Variants in DMD observed in about 807,000 individuals in gnomAD.
DMD encodes mutant dystrophin.
In DMD, 63 loss-of-function variants were observed where a neutral mutation model predicts 330.1. The ratio of observed to expected loss-of-function variants is 0.19; its 90% CI spans 0.16 to 0.24. The LOEUF is 0.24. Among genes scored for constraint, DMD ranks in the 10% least tolerant of loss-of-function variants. DMD has a pLI of 1.00. For missense variants in DMD, 3,344 were observed against 2,684.1 expected, an observed-to-expected ratio of 1.25 and a Z score of -5.43; for synonymous variants, 1,223 against 959.8, an observed-to-expected ratio of 1.27 and a Z score of -5.07.
At chrX:33,069,734 C>A (rs1039458506) in intron 1 of DMD, among the ~76,000 whole-genome samples, 2 of 111,191 alleles carry the variant, frequency 1.8e-5, no homozygotes, top group African/African-American at 6.5e-5. Context: ...GATTTTTTAC[C>A]ATCATTTGAG....
chrX:32,225,511 C>T (rs2097144705), intron 43 of DMD, among the ~76,000 whole-genome samples: 1 of 111,554 alleles, frequency 9.0e-6, no homozygotes, highest in Non-Finnish European at 1.9e-5. Flanking sequence ...CTTATTTTCC[C>T]ATGCAAGTCT....
At position 32,796,510 on chromosome X, in the gene DMD, T is replaced by C. The variant is rs368153550; in HGVS notation, c.649+12983A>G. 5.4e-5 allele frequency among the ~76,000 whole-genome samples: 6 copies of C among 111,193 alleles called. No homozygotes were observed. The South Asian group carries it at 1.1e-3, about 21-fold the overall frequency. ...TTATTTAATGGGTACAAATATATAG[T>C]TGGAAGGTATATATTCTAATGTTCA... On this transcript the variant is annotated intron_variant, in intron 7 of 78. Transcript: ENST00000357033.
At chrX:31,962,670 C>T (rs1034987303) in intron 45 of DMD, among the ~76,000 whole-genome samples, 1 of 111,774 alleles carries the variant, frequency 8.9e-6, no homozygotes, top group Non-Finnish European at 1.9e-5. Flanking sequence ...AAAATGAGGT[C>T]TCTCAATTTT....
intron 1 of DMD, among the ~76,000 whole-genome samples, chrX:33,100,755 T>A (rs1199708889): frequency 1.8e-5 from 2 of 112,333 alleles, no homozygotes; most frequent in African/African-American, 6.5e-5. Context: ...ACTCAGAGTG[T>A]ATTAATGGAA....
At chrX:33,075,576 A>G (rs2094827453) in intron 1 of DMD, among the ~76,000 whole-genome samples, 2 of 112,550 alleles carry the variant, frequency 1.8e-5, no homozygotes, top group Admixed American at 9.4e-5. Context: ...AGTTTCAGGT[A>G]TTCTGTTTTA....
chrX:32,115,371 G>A (rs899241287), intron 44 of DMD, among the ~76,000 whole-genome samples: 1 of 111,282 alleles, frequency 9.0e-6, no homozygotes, highest in South Asian at 3.8e-4. Flanking sequence ...GAGTATCTGG[G>A]ACTACAGGCA....
intron 57 of DMD, among the ~76,000 whole-genome samples, chrX:31,492,995 G>A (rs964312621): frequency 9.0e-6 from 1 of 110,878 alleles, no homozygotes; most frequent in African/African-American, 3.3e-5. Flanking sequence ...TGCACTTTCT[G>A]CACATGTATC....
At chrX:32,642,187 ACT>A (rs1387451418) in intron 11 of DMD, among the ~76,000 whole-genome samples, 1 of 111,401 alleles carries the variant, frequency 9.0e-6, no homozygotes, top group African/African-American at 3.3e-5. Flanking sequence ...TTATTTATAA[ACT>A]CTCATATTAT....
At chrX:32,614,916 A>C (rs1344625321) in intron 11 of DMD, among the ~76,000 whole-genome samples, 2 of 110,093 alleles carry the variant, frequency 1.8e-5, no homozygotes, top group Non-Finnish European at 3.8e-5. Context: ...AACTGACACC[A>C]CACCAATTCC....
chrX:31,679,322 T>C lies in DMD; in HGVS notation c.7872+53A>G. 4 of 1,000,793 alleles carry C rather than the reference T, an allele frequency of 4.0e-6. No individual in the cohort carries two copies. The East Asian group carries it at 1.0e-4, about 25-fold the overall frequency. The allele number at this position is 1,000,793 out of a possible 1,213,427, so 82.5% of individuals were successfully genotyped here. ...CATTAAATTACAATCTATGGTATAA[T>C]TTTATCAAATGTAACCAGTATTTTA... On this transcript the variant is annotated intron_variant, in intron 53 of 78. Transcript: ENST00000357033.
intron 2 of DMD, among the ~76,000 whole-genome samples, chrX:32,919,328 T>G (rs2088155786): frequency 8.9e-6 from 1 of 112,021 alleles, no homozygotes; most frequent in Non-Finnish European, 1.9e-5. Flanking sequence ...CTATCCAACC[T>G]GTTTTATACT....
At chrX:32,552,752 G>C (rs776265037) in intron 16 of DMD, among the ~76,000 whole-genome samples, 1 of 111,649 alleles carries the variant, frequency 9.0e-6, no homozygotes, top group African/African-American at 3.3e-5. Flanking sequence ...TTAAAAAGTG[G>C]GCAAAGGACA....
At chrX:32,687,958 G>T (rs1010436835) in intron 9 of DMD, among the ~76,000 whole-genome samples, 1 of 110,361 alleles carries the variant, frequency 9.1e-6, no homozygotes, top group Admixed American at 9.7e-5. Context: ...ATTTGTAAAA[G>T]AAAAATAATA....
At chrX:31,173,922 C>G (rs1299713146) in intron 71 of DMD, among the ~76,000 whole-genome samples, 5 of 111,434 alleles carry the variant, frequency 4.5e-5, no homozygotes, top group African/African-American at 1.6e-4. Flanking sequence ...TGTAATTTCT[C>G]ACATCCTATA....
chrX:32,675,140 A>T, intron 9 of DMD, among the ~76,000 whole-genome samples: 1 of 111,685 alleles, frequency 9.0e-6, no homozygotes, highest in Admixed American at 9.6e-5. Flanking sequence ...TGATGCTATT[A>T]TCAATAAAAT....
At chrX:32,975,132 T>G (rs756055406) in intron 2 of DMD, among the ~76,000 whole-genome samples, 55 of 110,935 alleles carry the variant, frequency 5.0e-4, no homozygotes, top group African/African-American at 1.8e-3. Flanking sequence ...GCATCATTTT[T>G]TTTTTCTGAA....
chrX:32,168,696 C>T lies in DMD; in HGVS notation c.6438+48220G>A, dbSNP rs889260635. Among the ~76,000 whole-genome samples the T allele has an allele frequency of 4.5e-5, 5 of 111,246 alleles. No individual in the cohort carries two copies. The Admixed American group carries it at 4.8e-4, about 11-fold the overall frequency. ...CCGAAGGGCTCAAGCTGATTATTTT[C>T]TTGCTTTTGACGGCTAGTGAAAATA... is the stretch of plus-strand genomic sequence containing the variant. On this transcript the variant is annotated intron_variant, in intron 44 of 78. Coordinates refer to ENST00000357033, the MANE Select transcript of DMD (RefSeq NM_004006.3).
chrX:31,835,417 C>T (rs1020372572), intron 49 of DMD, among the ~76,000 whole-genome samples: 3 of 112,015 alleles, frequency 2.7e-5, no homozygotes, highest in African/African-American at 9.7e-5. Flanking sequence ...TCAACGGAAA[C>T]TCTGAAATTT....
chrX:32,511,136 C>T (rs2045259300), intron 18 of DMD, among the ~76,000 whole-genome samples: 1 of 109,987 alleles, frequency 9.1e-6, no homozygotes, highest in Non-Finnish European at 1.9e-5. Flanking sequence ...ACTAATATTA[C>T]CATATTAGTC....
Sources: allele counts gnomAD v4.1 joint callset (sites outside exome capture counted in the v4.1 genomes callset), GRCh38; gene constraint gnomAD v4.1.1; transcripts MANE v1.5; gene names NCBI Gene and HGNC (gene_info 2026-07-23, HGNC 2026-07-21).